The following ZC3H12C variants were observed in gnomAD, a reference collection of about 807,000 sequenced individuals.
ZC3H12C encodes zinc finger CCCH-type containing 12C.
ZC3H12C carries 20 observed loss-of-function variants against 76.3 expected under a neutral mutation model. The ratio of observed to expected loss-of-function variants is 0.26; its 90% CI spans 0.18 to 0.38. ZC3H12C has a LOEUF of 0.38. Ranked by LOEUF, ZC3H12C falls within the 10% of genes least tolerant of loss-of-function variation. The pLI, the probability that ZC3H12C is intolerant of heterozygous loss-of-function variation, is 1.00. For synonymous variants in ZC3H12C, 352 were observed against 399.6 expected, an observed-to-expected ratio of 0.88 and a Z score of 1.42; for missense variants, 874 against 1,086.5, an observed-to-expected ratio of 0.80 and a Z score of 2.75.
Position 110,164,705 on chromosome 11 carries a change from T to C in ZC3H12C, c.1620T>C (p.Asn540=), listed in dbSNP as rs1358963784. The change falls in exon 6 of 6, where the codon AAT becomes AAC. Residue 540 remains asparagine, a synonymous_variant. Coordinates refer to ENST00000278590, the MANE Select transcript of ZC3H12C (RefSeq NM_033390.2). This position sits in a 1 kb window ranked among gnomAD's most constrained non-coding sequence, Gnocchi z 5.7. ...CCCAAAGCACTACATCTTTAAGCAA[T>C]GGCCTTCCATCTGGAGTTCATTTCC... ...AKPQSTTSLS[N]GLPSGVHFPP... is the part of the protein sequence containing the mutation. 1.2e-6 allele frequency: 2 copies of C among 1,614,030 alleles called. No individual in the cohort carries two copies. The highest frequency in any genetic ancestry group is 2.2e-5 in the South Asian group (2 of 91,082).
intron 1 of ZC3H12C, among the ~76,000 whole-genome samples, chr11:110,097,755 T>A (rs888314581): frequency 1.3e-5 from 2 of 152,200 alleles, no homozygotes; most frequent in Non-Finnish European, 2.9e-5. Flanking sequence ...TGCATAATCA[T>A]GTTTTAGTTA....
rs757729109 is a variant in ZC3H12C, at chr11:110,136,886, A to C, written c.245A>C (p.Glu82Ala). Residue 82 changes from glutamate to alanine, a missense_variant, in exon 2 of 6, where the codon GAA (glutamate) becomes GCA (alanine). Transcript: ENST00000278590. The part of the protein sequence containing the change: ...NVGKDEKEAS[E>A]ENASSGDSEE... ...GGGAAGGATGAAAAAGAGGCGTCTG[A>C]AGAGAATGCAAGCTCTGGTGACTCT... 2 of 1,613,712 alleles carry C rather than the reference A, an allele frequency of 1.2e-6. No individual in the cohort carries two copies. Among genetic ancestry groups the C allele is most frequent in the African/African-American group, 2.7e-5 (2 of 74,922 alleles).
intron 2 of ZC3H12C, among the ~76,000 whole-genome samples, chr11:110,143,093 C>T (rs1036699707): frequency 2.0e-5 from 3 of 152,092 alleles, no homozygotes; most frequent in Non-Finnish European, 4.4e-5. Flanking sequence ...ACAAAATAGG[C>T]ATGCATAAAT....
At chr11:110,102,032 A>G (rs1343111681) in intron 1 of ZC3H12C, among the ~76,000 whole-genome samples, 1 of 151,890 alleles carries the variant, frequency 6.6e-6, no homozygotes, top group Non-Finnish European at 1.5e-5. Context: ...ACAGGGTACC[A>G]CCAAGAACTC....
chr11:110,162,062 G>A (rs555963118), intron 4 of ZC3H12C, among the ~76,000 whole-genome samples: 4 of 152,142 alleles, frequency 2.6e-5, no homozygotes, highest in African/African-American at 9.7e-5. Flanking sequence ...TGAACCCCAG[G>A]GGGGCGGAGG....
intron 1 of ZC3H12C, among the ~76,000 whole-genome samples, chr11:110,117,861 AAT>A (rs1246634412): frequency 5.1e-5 from 5 of 97,842 alleles, no homozygotes; most frequent in African/African-American, 1.1e-4. Context: ...ACATATATAT[AAT>A]ATATATACAC....
chr11:110,128,480 G>A (rs79559698), intron 1 of ZC3H12C, among the ~76,000 whole-genome samples: 1,765 of 152,218 alleles, frequency 0.012, 31 homozygotes, highest in African/African-American at 0.039. Flanking sequence ...AGTGGCAGGC[G>A]TTAGTGAGCA....
chr11:110,114,977 G>T (rs1196383832), intron 1 of ZC3H12C, among the ~76,000 whole-genome samples: 2 of 152,198 alleles, frequency 1.3e-5, no homozygotes, highest in Non-Finnish European at 2.9e-5. Flanking sequence ...TGAAATTATA[G>T]GAGAGGTGGG....
intron 3 of ZC3H12C, 134 bp downstream of exon 3, chr11:110,153,192 TG>T: frequency 8.5e-7 from 1 of 1,174,548 alleles, no homozygotes. Context: ...TGTTTTTTGT[TG>T]TTGTTGTTTT....
At chr11:110,116,922 A>C (rs1478484973) in intron 1 of ZC3H12C, among the ~76,000 whole-genome samples, 1 of 152,174 alleles carries the variant, frequency 6.6e-6, no homozygotes, top group East Asian at 1.9e-4. Flanking sequence ...CCTGTAGTTC[A>C]TCCTCTTTTC....
At chr11:110,163,962 T>G (rs527696983) in intron 5 of ZC3H12C, among the ~76,000 whole-genome samples, 75 of 152,080 alleles carry the variant, frequency 4.9e-4, no homozygotes, top group African/African-American at 1.8e-3. Context: ...TCACCAGGCT[T>G]GGTAGCGCAC....
intron 2 of ZC3H12C, among the ~76,000 whole-genome samples, chr11:110,152,653 GTTAACCTTTAGAGCT>G (rs1862294242): frequency 6.6e-6 from 1 of 152,008 alleles, no homozygotes; most frequent in African/African-American, 2.4e-5. Flanking sequence ...TTTCTGACTA[GTTAACCTTTAGAGCT>G]TTACCTTTGA....
chr11:110,130,799 G>GTTAATACACATGCTGCCC (rs1324573391), intron 1 of ZC3H12C, among the ~76,000 whole-genome samples: 1 of 152,136 alleles, frequency 6.6e-6, no homozygotes, highest in African/African-American at 2.4e-5. Context: ...CACACCCCTC[G>GTTAATACACATGCTGCCC]TTAATACACA....
chr11:110,102,982 G>A (rs190830796), intron 1 of ZC3H12C, among the ~76,000 whole-genome samples: 1 of 152,258 alleles, frequency 6.6e-6, no homozygotes, highest in Admixed American at 6.5e-5. Context: ...ATAGAATAGT[G>A]CAAACATAAC....
chr11:110,160,718 A>C (rs1267789079), intron 4 of ZC3H12C, among the ~76,000 whole-genome samples: 1 of 152,224 alleles, frequency 6.6e-6, no homozygotes, highest in Non-Finnish European at 1.5e-5. Flanking sequence ...AACTGCATGA[A>C]GCTGTTTTAC....
intron 1 of ZC3H12C, among the ~76,000 whole-genome samples, chr11:110,103,699 G>A (rs930457545): frequency 3.3e-5 from 5 of 151,466 alleles, no homozygotes; most frequent in African/African-American, 7.3e-5. Flanking sequence ...TCCGCCTCTC[G>A]GGTTCATGCC....
At chr11:110,126,606 TC>T (rs1464294146) in intron 1 of ZC3H12C, among the ~76,000 whole-genome samples, 1 of 152,102 alleles carries the variant, frequency 6.6e-6, no homozygotes. Context: ...TAATCTACCT[TC>T]CCCTCAGCCC....
At chr11:110,146,234 C>T (rs1474413134) in intron 2 of ZC3H12C, among the ~76,000 whole-genome samples, 1 of 152,118 alleles carries the variant, frequency 6.6e-6, no homozygotes. Flanking sequence ...ATGATCCGCC[C>T]GCCTCAGCCT....
At chr11:110,156,637 C>T (rs1862381474) in intron 3 of ZC3H12C, among the ~76,000 whole-genome samples, 1 of 152,164 alleles carries the variant, frequency 6.6e-6, no homozygotes, top group Admixed American at 6.5e-5. Flanking sequence ...TACTCATGAA[C>T]ATAAGACGAC....
Sources: allele counts gnomAD v4.1 joint callset (sites outside exome capture counted in the v4.1 genomes callset), GRCh38; gene constraint gnomAD v4.1.1; non-coding constraint Gnocchi (gnomAD v3.1); transcripts MANE v1.5; gene names NCBI Gene and HGNC (gene_info 2026-07-23, HGNC 2026-07-21).